CACNA1B: variants seen among roughly 807,000 people sequenced by gnomAD.
CACNA1B encodes calcium voltage-gated channel subunit alpha1 B, also known as voltage-dependent N-type calcium channel subunit alpha-1B.
A neutral mutation model predicts 247.2 loss-of-function variants in CACNA1B; 70 were observed. That is an observed-to-expected ratio of 0.28 (90% CI 0.23 to 0.35). The LOEUF (loss-of-function observed/expected upper bound fraction) is 0.35, where lower values mean the gene tolerates loss of function less well. Ranked by LOEUF, CACNA1B falls within the 10% of genes least tolerant of loss-of-function variation. The pLI is 1.00. For missense variants in CACNA1B, 2,367 were observed against 3,197.4 expected (o/e 0.74, Z 6.26); for synonymous variants, 1,231 against 1,294.4 (o/e 0.95, Z 1.05).
rs758502874 is a variant in CACNA1B, at chr9:138,023,729, A to ACCACGGAGAAGGAGG, written c.3003_3017dup (p.Thr1002_Ala1006dup). The ACCACGGAGAAGGAGG allele has an allele frequency of 5.8e-6, 6 of 1,029,550 alleles. No individual in the cohort carries two copies. In the Middle Eastern group the frequency reaches 7.5e-4, roughly 129 times the overall value. 63.8% of individuals were successfully genotyped at this position (1,029,550 alleles called of 1,614,324 possible). A position where few individuals can be genotyped will look rare whatever the true frequency, so the allele number is the denominator to read the frequency against. ...TGCTCACGAGGCTGTGGAGAAGGAG[A>ACCACGGAGAAGGAGG]CCACGGAGAAGGAGGCCACGGAGAA... is the stretch of plus-strand genomic sequence containing the variant. On this transcript the variant is annotated inframe_insertion, in exon 19 of 47. Coordinates refer to ENST00000371372, the MANE Select transcript of CACNA1B (RefSeq NM_000718.4).
In CACNA1B at chr9:138,122,378, A is replaced by C; in HGVS notation, c.*379A>C. ...CTGCGTCCTGTGGGGAGCACCCTTC[A>C]CGTGGCCGTGCGGCACAGAGAAGCA... On this transcript the variant is annotated 3_prime_UTR_variant, in exon 47 of 47. Transcript: ENST00000371372. The C allele has an allele frequency of 2.6e-5, 6 of 229,834 alleles. No homozygotes were observed. The highest frequency in any genetic ancestry group is 9.8e-5 in the East Asian group (1 of 10,184). The allele number at this position is 229,834 out of a possible 1,614,324, so 14.2% of individuals were successfully genotyped here. A position where few individuals can be genotyped will look rare whatever the true frequency, so the allele number is the denominator to read the frequency against.
intron 36 of CACNA1B, among the ~76,000 whole-genome samples, chr9:138,088,412 A>G (rs1658125429): frequency 6.6e-6 from 1 of 152,156 alleles, no homozygotes; most frequent in African/African-American, 2.4e-5. Flanking sequence ...TTGACAAACC[A>G]TTAGCTAGAT....
At chr9:138,062,152 C>T (rs896718071) in intron 31 of CACNA1B, among the ~76,000 whole-genome samples, 1 of 152,192 alleles carries the variant, frequency 6.6e-6, no homozygotes. Context: ...CCTGACCAGC[C>T]GTTTGTGCCT....
At chr9:138,083,150 T>C (rs1960582211) in intron 36 of CACNA1B, among the ~76,000 whole-genome samples, 1 of 151,136 alleles carries the variant, frequency 6.6e-6, no homozygotes, top group Admixed American at 6.6e-5. Context: ...CCAACACTGC[T>C]CAGCCCCTGT....
chr9:138,110,504 A>G (rs377476409), intron 39 of CACNA1B, among the ~76,000 whole-genome samples: 182 of 151,798 alleles, frequency 1.2e-3, no homozygotes, highest in African/African-American at 4.1e-3. Context: ...AGGTGGGAAG[A>G]TTGCTGGAAT....
chr9:137,971,444 G>A lies in CACNA1B; in HGVS notation c.1395G>A (p.Arg465=), dbSNP rs1415592019. Residue 465 remains arginine, a synonymous_variant, in exon 11 of 47, where the codon CGG becomes CGA. Transcript: ENST00000371372. The surrounding 1 kb of genome is among the most constrained non-coding windows in gnomAD (Gnocchi z 4.4). ...AGACAGAGAGCTCGTCATACTTCCG[G>A]AGGAAGGAGAAGATGTTCCGGTTTT... is the stretch of plus-strand genomic sequence containing the variant. The part of the protein sequence containing the change: ...SGKTESSSYF[R]RKEKMFRFFI... 1 of 1,613,648 alleles carries A rather than the reference G, an allele frequency of 6.2e-7. No individual in the cohort carries two copies. Among genetic ancestry groups the A allele is most frequent in the East Asian group, 2.2e-5 (1 of 44,872 alleles).
Position 138,023,380 on chromosome 9 carries a change from CG to C in CACNA1B, c.2639del (p.Gly880ValfsTer129). The C allele has an allele frequency of 7.7e-7, 1 of 1,305,650 alleles. No individual in the cohort carries two copies. The highest frequency in any genetic ancestry group is 9.7e-7 in the Non-Finnish European group (1 of 1,028,602). The allele number at this position is 1,305,650 out of a possible 1,614,324, so 80.9% of individuals were successfully genotyped here. ...EAPKAESGEPGAREERPRPHR... is the reference protein window; with the variant it reads ...EAPKAESGEPXAREERPRPHR... ...CCCCGAAGGCGGAGAGCGGGGAGCC[CG>C]GTGCCCGGGAGGAGCGGCCGCGGCC... On this transcript the variant is annotated frameshift_variant, in exon 19 of 47. Coordinates refer to ENST00000371372, the MANE Select transcript of CACNA1B (RefSeq NM_000718.4). LOFTEE classifies it high-confidence loss of function.
At chr9:137,949,462 G>T (rs1000860216) in intron 6 of CACNA1B, among the ~76,000 whole-genome samples, 1 of 151,046 alleles carries the variant, frequency 6.6e-6, no homozygotes, top group African/African-American at 2.4e-5. Flanking sequence ...GTGCGTGTGT[G>T]TGTGTGGTGT....
intron 20 of CACNA1B, among the ~76,000 whole-genome samples, chr9:138,043,204 A>G (rs1959148515): frequency 6.6e-6 from 1 of 152,140 alleles, no homozygotes; most frequent in South Asian, 2.1e-4. Flanking sequence ...GGAGGCGACG[A>G]GTCGGGGCCT....
intron 11 of CACNA1B, among the ~76,000 whole-genome samples, chr9:137,975,457 G>A (rs532395642): frequency 1.1e-4 from 16 of 152,308 alleles, no homozygotes; most frequent in African/African-American, 3.8e-4. Flanking sequence ...TGACAAGGAG[G>A]TTGAGGGACC....
intron 37 of CACNA1B, among the ~76,000 whole-genome samples, chr9:138,099,511 T>C (rs1423798929): frequency 6.7e-6 from 1 of 149,192 alleles, no homozygotes; most frequent in Non-Finnish European, 1.5e-5. Flanking sequence ...TGTGCACGTG[T>C]CTGTGGTGTG....
At chr9:137,906,625 C>A (rs1283052590) in intron 3 of CACNA1B, among the ~76,000 whole-genome samples, 1 of 151,510 alleles carries the variant, frequency 6.6e-6, no homozygotes, top group Non-Finnish European at 1.5e-5. Flanking sequence ...ACATGTTCCC[C>A]TGTATGCCCA....
At chr9:137,988,586 T>C (rs1216482990) in intron 15 of CACNA1B, among the ~76,000 whole-genome samples, 1 of 151,876 alleles carries the variant, frequency 6.6e-6, no homozygotes, top group Non-Finnish European at 1.5e-5. Flanking sequence ...AAAAATACAC[T>C]TAGAAAATAA....
At chr9:138,028,147 C>T (rs183493232) in intron 20 of CACNA1B, among the ~76,000 whole-genome samples, 3 of 149,748 alleles carry the variant, frequency 2.0e-5, no homozygotes, top group Non-Finnish European at 3.0e-5. Flanking sequence ...CTCAGCCTCT[C>T]GAGTAGCTGG....
At chr9:137,935,333 T>C (rs960339803) in intron 6 of CACNA1B, among the ~76,000 whole-genome samples, 2 of 152,132 alleles carry the variant, frequency 1.3e-5, no homozygotes, top group African/African-American at 4.8e-5. Context: ...AATTCCCACC[T>C]GTGAGTGAGA....
chr9:138,113,328 G>T, intron 40 of CACNA1B, among the ~76,000 whole-genome samples: 1 of 149,384 alleles, frequency 6.7e-6, no homozygotes, highest in East Asian at 2.1e-4. Context: ...GGAGACGTGA[G>T]GGAGCACGAG....
chr9:137,934,485 C>T (rs1957642279), intron 6 of CACNA1B, among the ~76,000 whole-genome samples: 4 of 152,164 alleles, frequency 2.6e-5, no homozygotes, highest in African/African-American at 7.2e-5. Context: ...AGGATTGTAT[C>T]GTGAACTTTT....
Position 138,001,529 on chromosome 9 carries a change from G to C in CACNA1B, c.1975-5238G>C, listed in dbSNP as rs1198759952. On this transcript the variant is annotated intron_variant, in intron 15 of 46. Transcript: ENST00000371372. ...ATAATAGTAAAAGATTAGAAGTATT[G>C]TTAAAAGGAAAATAAGGATGCCTAC... Among the ~76,000 whole-genome samples the C allele has an allele frequency of 2.0e-5, 3 of 152,144 alleles. No homozygotes were observed. The South Asian group carries it at 6.2e-4, about 31-fold the overall frequency.
At chr9:138,047,357 T>C (rs1435480716) in intron 22 of CACNA1B, 42 bp from the exon 23 acceptor site, 2 of 1,511,156 alleles carry the variant, frequency 1.3e-6, no homozygotes, top group African/African-American at 2.7e-5. Flanking sequence ...CTGGCTCAGA[T>C]TTCAGCCCAG....
Sources: gnomAD v4.1 joint callset for allele counts (sites outside exome capture counted in the v4.1 genomes callset) on GRCh38, gnomAD v4.1.1 for gene constraint, Gnocchi (gnomAD v3.1) non-coding constraint, MANE v1.5 for transcripts, NCBI Gene and HGNC (gene_info 2026-07-23, HGNC 2026-07-21) for gene names.